Variants in YEATS4 observed in about 807,000 individuals in gnomAD.
YEATS4 encodes YEATS domain containing 4, also known as YEATS domain-containing protein 4.
Under a neutral mutation model 30.1 loss-of-function variants are expected in YEATS4, and 17 were observed. The ratio of observed to expected loss-of-function variants is 0.56; its 90% CI spans 0.39 to 0.85. The LOEUF (loss-of-function observed/expected upper bound fraction) is 0.85. YEATS4 is among the 40% of genes least tolerant of loss of function. YEATS4 has a pLI of 0.00. For missense variants in YEATS4, 142 were observed against 268.3 expected (o/e 0.53, Z 3.29); for synonymous variants, 85 against 87.5 (o/e 0.97, Z 0.16).
At chr12:69,406,289 A>G in the YEATS4 span, among the ~76,000 whole-genome samples, 3 of 152,204 alleles carry the variant, frequency 2.0e-5, no homozygotes, top group African/African-American at 7.2e-5. Context: ...CTCAATTGCA[A>G]ATCTCACTGA....
chr12:69,362,505 T>C (rs2120891696), intron 1 of YEATS4, among the ~76,000 whole-genome samples: 1 of 152,296 alleles, frequency 6.6e-6, no homozygotes, highest in Non-Finnish European at 1.5e-5. Context: ...CTTTCAGGTG[T>C]TTAAGAAAAG....
intron 6 of YEATS4, among the ~76,000 whole-genome samples, chr12:69,372,899 T>G (rs1181762391): frequency 6.6e-6 from 1 of 152,186 alleles, no homozygotes; most frequent in Non-Finnish European, 1.5e-5. Context: ...TATCTTTCTG[T>G]GCCTGGCTTA....
chr12:69,380,186 G>A (rs1014100442), intron 6 of YEATS4, among the ~76,000 whole-genome samples: 1 of 152,180 alleles, frequency 6.6e-6, no homozygotes, highest in Non-Finnish European at 1.5e-5. Context: ...TGCAGAGTTA[G>A]GTTTTTATTG....
At chr12:69,414,144 T>G in the YEATS4 span, among the ~76,000 whole-genome samples, 1 of 152,250 alleles carries the variant, frequency 6.6e-6, no homozygotes, top group Non-Finnish European at 1.5e-5. Flanking sequence ...AATTGCATAT[T>G]TGATACTTTT....
chr12:69,385,014 A>AT (rs909434635), intron 6 of YEATS4, among the ~76,000 whole-genome samples: 10 of 151,246 alleles, frequency 6.6e-5, no homozygotes, highest in African/African-American at 1.5e-4. Context: ...TAGCAAAAGC[A>AT]TTTTTTTTTC....
At chr12:69,389,910 T>G (rs1868297155) in intron 6 of YEATS4, among the ~76,000 whole-genome samples, 1 of 152,146 alleles carries the variant, frequency 6.6e-6, no homozygotes, top group Non-Finnish European at 1.5e-5. Flanking sequence ...AAATTTTAAC[T>G]GTGAGTTGGT....
At position 69,359,867 on chromosome 12, in the gene YEATS4, C is replaced by A; in HGVS notation, c.-106C>A. The A allele has an allele frequency of 4.2e-6, 6 of 1,428,426 alleles. No individual in the cohort carries two copies. The highest frequency in any genetic ancestry group is 5.8e-6 in the Non-Finnish European group (6 of 1,041,140). The allele number at this position is 1,428,426 out of a possible 1,614,324, so 88.5% of individuals were successfully genotyped here. On this transcript the variant is annotated 5_prime_UTR_variant, in exon 1 of 7. Transcript: ENST00000247843. The stretch of plus-strand genomic sequence containing the variant: ...AACTCGCCCTCCTTCGGCTAGAAAC[C>A]CTCCGCCTGGGCCCGCGCGACAGGA...
Position 69,359,910 on chromosome 12 carries a change from A to G in YEATS4, c.-63A>G. ...CGACAGGAGCGCGGTCTCTGAGGGG[A>G]GCGGCGACCCCGCCAGCCCCGGTCT... is the stretch of plus-strand genomic sequence containing the variant. On this transcript the variant is annotated 5_prime_UTR_variant, in exon 1 of 7. Coordinates refer to ENST00000247843, the MANE Select transcript of YEATS4 (RefSeq NM_006530.4). 2 of 1,599,968 alleles carry G rather than the reference A, an allele frequency of 1.3e-6. No homozygotes were observed. The highest frequency in any genetic ancestry group is 1.7e-6 in the Non-Finnish European group (2 of 1,169,972).
downstream of YEATS4, among the ~76,000 whole-genome samples, chr12:69,392,925 A>G (rs898059691): frequency 1.3e-5 from 2 of 152,250 alleles, no homozygotes; most frequent in African/African-American, 4.8e-5. Context: ...TCAAATATGA[A>G]CATCAGGTAG....
Position 69,374,920 on chromosome 12 carries a change from G to A in YEATS4, c.514+3945G>A, listed in dbSNP as rs1340163930. Among the ~76,000 whole-genome samples, 9 of 152,026 alleles carry A rather than the reference G, an allele frequency of 5.9e-5. 1 individual carries two copies. The South Asian group carries it at 1.0e-3, about 18-fold the overall frequency. On this transcript the variant is annotated intron_variant, in intron 6 of 6. Transcript: ENST00000247843. ...ACACCTCCCAGACGGGGTGGCGGCC[G>A]GGCAGAGGGGCTCCTCACTTCCCAG...
the YEATS4 span, among the ~76,000 whole-genome samples, chr12:69,422,382 A>G: frequency 1.3e-5 from 2 of 152,182 alleles, no homozygotes; most frequent in African/African-American, 2.4e-5. Flanking sequence ...CTGTAATCCC[A>G]GCACTTTCAG....
At chr12:69,423,914 G>C in the YEATS4 span, among the ~76,000 whole-genome samples, 1 of 152,136 alleles carries the variant, frequency 6.6e-6, no homozygotes, top group Admixed American at 6.5e-5. Context: ...GATGTCTAAG[G>C]GAGCCTCTGG....
chr12:69,426,417 C>G, the YEATS4 span, among the ~76,000 whole-genome samples: 1 of 152,246 alleles, frequency 6.6e-6, no homozygotes, highest in African/African-American at 2.4e-5. Context: ...GTTGCCCAGG[C>G]TGGAGTACAG....
chr12:69,402,939 T>G, the YEATS4 span, among the ~76,000 whole-genome samples: 13 of 151,858 alleles, frequency 8.6e-5, no homozygotes. Context: ...GTCAGGCTGG[T>G]CTTGAACTCC....
chr12:69,407,748 C>CTTTTTTTTTTTTTTTT, the YEATS4 span, among the ~76,000 whole-genome samples: 1 of 65,160 alleles, frequency 1.5e-5, no homozygotes, highest in African/African-American at 6.4e-5. Flanking sequence ...TGGACTTTTG[C>CTTTTTTTTTTTTTTTT]TCTTGTTGCC....
At chr12:69,406,502 AT>A in the YEATS4 span, among the ~76,000 whole-genome samples, 2 of 151,956 alleles carry the variant, frequency 1.3e-5, no homozygotes, top group Non-Finnish European at 2.9e-5. Flanking sequence ...TAATTTTTAA[AT>A]TTTTTTATAG....
the YEATS4 span, among the ~76,000 whole-genome samples, chr12:69,408,687 A>G: frequency 1.3e-5 from 2 of 152,192 alleles, no homozygotes; most frequent in African/African-American, 2.4e-5. Context: ...CTATGGCCCA[A>G]GTAGTCTCCA....
chr12:69,414,526 C>T, the YEATS4 span, among the ~76,000 whole-genome samples: 3 of 152,092 alleles, frequency 2.0e-5, no homozygotes, highest in Admixed American at 6.5e-5. Flanking sequence ...CCACCATGCC[C>T]GAAGAGTACA....
At chr12:69,401,892 G>A in the YEATS4 span, among the ~76,000 whole-genome samples, 232 of 152,184 alleles carry the variant, frequency 1.5e-3, no homozygotes, top group African/African-American at 5.4e-3. Context: ...CATCTTGCTT[G>A]CCTCTGTTTC....
Sources: gnomAD v4.1 joint callset for allele counts (sites outside exome capture counted in the v4.1 genomes callset) on GRCh38, gnomAD v4.1.1 for gene constraint, MANE v1.5 for transcripts, NCBI Gene and HGNC (gene_info 2026-07-23, HGNC 2026-07-21) for gene names.